RASA1: variants seen among roughly 807,000 people sequenced by gnomAD.
The protein encoded by RASA1 is ras GTPase-activating protein 1.
Under a neutral mutation model 132.2 loss-of-function variants are expected in RASA1, and 25 were observed. The observed-to-expected ratio is 0.19, with a 90% CI of 0.14 to 0.26. RASA1 has a LOEUF of 0.26. RASA1 is among the 10% of genes least tolerant of loss of function. The probability of loss-of-function intolerance (pLI) is 1.00; values close to 1 mark genes in which losing one functional copy is unlikely to be tolerated. For synonymous variants in RASA1, 477 were observed against 449.9 expected (o/e 1.06, Z -0.76); for missense variants, 964 against 1,299.2 (o/e 0.74, Z 3.97).
chr5:87,380,632 A>G (rs754324892), intron 20 of RASA1, 37 bp downstream of exon 20: 54 of 1,502,842 alleles, frequency 3.6e-5, no homozygotes, highest in Non-Finnish European at 4.7e-5. Flanking sequence ...ATCACATACT[A>G]ATAGGTGGAT....
chr5:87,369,805 T>C lies in RASA1; in HGVS notation c.1611-8T>C. 1.2e-6 allele frequency: 2 copies of C among 1,606,998 alleles called. No individual in the cohort carries two copies. The highest frequency in any genetic ancestry group is 1.7e-6 in the Non-Finnish European group (2 of 1,174,990). ...AGCTTCCTAATAATTTTTGTTTTTA[T>C]TTTAAAGGCCAAACTGTTTTCAGAT... On this transcript the variant is annotated splice_region_variant and splice_polypyrimidine_tract_variant and intron_variant, in intron 11 of 24. Coordinates refer to ENST00000274376, the MANE Select transcript of RASA1 (RefSeq NM_002890.3).
intron 18 of RASA1, 69 bp from the exon 19 acceptor site, chr5:87,379,664 CTT>C: frequency 6.4e-7 from 1 of 1,570,450 alleles, no homozygotes; most frequent in Non-Finnish European, 8.6e-7. Flanking sequence ...ACTATAACTA[CTT>C]GTTTTCCTCT....
At chr5:87,285,982 G>A (rs1159446391) in intron 1 of RASA1, among the ~76,000 whole-genome samples, 2 of 150,824 alleles carry the variant, frequency 1.3e-5, no homozygotes, top group Non-Finnish European at 1.5e-5. Flanking sequence ...TTCTACCTCC[G>A]AAATAGATCT....
chr5:87,281,312 G>A (rs576191299), intron 1 of RASA1, among the ~76,000 whole-genome samples: 8 of 149,436 alleles, frequency 5.4e-5, no homozygotes, highest in African/African-American at 1.5e-4. Context: ...GCGTGATCTC[G>A]TCTCACTGCA....
chr5:87,330,943 A>G, intron 1 of RASA1: 1 of 1,429,564 alleles, frequency 7.0e-7, no homozygotes, highest in Non-Finnish European at 9.1e-7. Flanking sequence ...CATAGGTTCC[A>G]TGTGCCTTGT....
intron 1 of RASA1, among the ~76,000 whole-genome samples, chr5:87,323,990 T>C: frequency 6.6e-6 from 1 of 152,230 alleles, no homozygotes; most frequent in East Asian, 1.9e-4. Flanking sequence ...TGGTGTTCTG[T>C]CGTATTTACT....
At chr5:87,375,284 G>C (rs1761247217) in intron 15 of RASA1, among the ~76,000 whole-genome samples, 1 of 151,658 alleles carries the variant, frequency 6.6e-6, no homozygotes, top group Non-Finnish European at 1.5e-5. Flanking sequence ...TTTTGAGATG[G>C]AGTCTTGCTC....
At chr5:87,338,444 G>T (rs1758140239) in intron 5 of RASA1, among the ~76,000 whole-genome samples, 1 of 145,632 alleles carries the variant, frequency 6.9e-6, no homozygotes, top group Non-Finnish European at 1.5e-5. Context: ...CATTTCTCGT[G>T]CCTCAGCCAC....
intron 17 of RASA1, among the ~76,000 whole-genome samples, chr5:87,377,832 T>C (rs550404046): frequency 6.6e-6 from 1 of 152,310 alleles, no homozygotes; most frequent in East Asian, 1.9e-4. Flanking sequence ...TAGTAAAGTT[T>C]AGAACTATTT....
At chr5:87,389,331 C>G (rs1189958314) in intron 23 of RASA1, 62 bp from the exon 24 acceptor site, 3 of 1,588,364 alleles carry the variant, frequency 1.9e-6, no homozygotes, top group Non-Finnish European at 2.6e-6. Flanking sequence ...AACTCTGTCT[C>G]AAAAAAAACA....
At position 87,297,750 on chromosome 5, in the gene RASA1, A is replaced by C. The variant is rs1241568036; in HGVS notation, c.539+28760A>C. On this transcript the variant is annotated intron_variant, in intron 1 of 24. Coordinates refer to ENST00000274376, the MANE Select transcript of RASA1 (RefSeq NM_002890.3). The stretch of plus-strand genomic sequence containing the variant: ...ACAAAGGGATTTTTCTCTGATATTT[A>C]CTGTAAGGGCATAGTAGAGCTCCTG... 4.6e-5 allele frequency among the ~76,000 whole-genome samples: 7 copies of C among 152,110 alleles called. No individual in the cohort carries two copies. In the East Asian group the frequency reaches 1.3e-3, roughly 29 times the overall value.
chr5:87,313,762 A>G (rs1409352860), intron 1 of RASA1, among the ~76,000 whole-genome samples: 9 of 152,262 alleles, frequency 5.9e-5, no homozygotes, highest in Non-Finnish European at 1.0e-4. Flanking sequence ...CAAGGGATCA[A>G]CGAGATGACA....
At chr5:87,321,623 G>A (rs1217822223) in intron 1 of RASA1, among the ~76,000 whole-genome samples, 1 of 152,252 alleles carries the variant, frequency 6.6e-6, no homozygotes, top group Non-Finnish European at 1.5e-5. Context: ...ATATGGCAAG[G>A]TCTGGATGCC....
chr5:87,379,875 C>T (rs1475721376), intron 19 of RASA1, 25 bp downstream of exon 19: 3 of 1,604,202 alleles, frequency 1.9e-6, no homozygotes, highest in East Asian at 2.2e-5. Flanking sequence ...TTTCATTTGA[C>T]AAGAAATTGT....
At chr5:87,378,707 T>G (rs1761493489) in intron 18 of RASA1, among the ~76,000 whole-genome samples, 169 bp downstream of exon 18, 2 of 152,208 alleles carry the variant, frequency 1.3e-5, no homozygotes, top group African/African-American at 4.8e-5. Context: ...CAAAATGGAC[T>G]TCTTAAAAAA....
At chr5:87,345,734 C>T (rs975457921) in intron 6 of RASA1, among the ~76,000 whole-genome samples, 2 of 152,124 alleles carry the variant, frequency 1.3e-5, no homozygotes, top group Non-Finnish European at 2.9e-5. Context: ...ACCTCTGAAC[C>T]TGTCACACTG....
chr5:87,340,876 A>G (rs1758381329), intron 5 of RASA1, among the ~76,000 whole-genome samples: 1 of 152,172 alleles, frequency 6.6e-6, no homozygotes. Flanking sequence ...AACAATTGGT[A>G]GTATGAGACA....
intron 1 of RASA1, among the ~76,000 whole-genome samples, chr5:87,275,730 C>A (rs111252015): frequency 6.6e-6 from 1 of 152,140 alleles, no homozygotes. Context: ...GCCACCACGT[C>A]CAGCTAATTT....
chr5:87,360,459 G>A (rs1468974096), intron 9 of RASA1, among the ~76,000 whole-genome samples: 2 of 152,138 alleles, frequency 1.3e-5, no homozygotes, highest in Non-Finnish European at 2.9e-5. Flanking sequence ...TTGTTGGAGA[G>A]TACAGTGTCC....
Sources: allele counts gnomAD v4.1 joint callset (sites outside exome capture counted in the v4.1 genomes callset), GRCh38; gene constraint gnomAD v4.1.1; transcripts MANE v1.5; gene names NCBI Gene and HGNC (gene_info 2026-07-23, HGNC 2026-07-21).